MGAT5: variants seen among roughly 807,000 people sequenced by gnomAD.
MGAT5 encodes the protein alpha-1,6-mannosylglycoprotein 6-beta-N-acetylglucosaminyltransferase, also known as alpha-1,6-mannosylglycoprotein 6-beta-N-acetylglucosaminyltransferase A.
A neutral mutation model predicts 94.3 loss-of-function variants in MGAT5; 30 were observed. The ratio of observed to expected loss-of-function variants is 0.32; its 90% CI spans 0.24 to 0.43. The LOEUF (loss-of-function observed/expected upper bound fraction) is 0.43. MGAT5 is among the 20% of genes least tolerant of loss of function. MGAT5 has a pLI of 1.00. For synonymous variants in MGAT5, 310 were observed against 322.9 expected (o/e 0.96, Z 0.43); for missense variants, 691 against 905.5 (o/e 0.76, Z 3.04).
At chr2:134,273,622 C>CTGTG (rs3034326) in intron 2 of MGAT5, among the ~76,000 whole-genome samples, 22 of 149,896 alleles carry the variant, frequency 1.5e-4, no homozygotes, top group South Asian at 1.1e-3. Flanking sequence ...GGGGATAGCT[C>CTGTG]TGTGTGTGTG....
intron 8 of MGAT5, among the ~76,000 whole-genome samples, chr2:134,345,737 G>A (rs72978194): frequency 0.024 from 3,664 of 152,222 alleles, 126 homozygotes; most frequent in African/African-American, 0.075. Context: ...GAGAAAAGGT[G>A]TAGTTTGATG....
chr2:134,393,294 G>A (rs1682522262), intron 10 of MGAT5, among the ~76,000 whole-genome samples: 1 of 152,118 alleles, frequency 6.6e-6, no homozygotes, highest in Admixed American at 6.5e-5. Flanking sequence ...GATTACCTCA[G>A]ATCAGTGTGG....
chr2:134,360,993 TC>T (rs1329251987), intron 9 of MGAT5, among the ~76,000 whole-genome samples: 1 of 152,224 alleles, frequency 6.6e-6, no homozygotes, highest in Admixed American at 6.5e-5. Flanking sequence ...GCTCAGGGCT[TC>T]CTGCCACTGT....
At chr2:134,314,122 G>A (rs531271985) in intron 2 of MGAT5, among the ~76,000 whole-genome samples, 1 of 152,274 alleles carries the variant, frequency 6.6e-6, no homozygotes, top group Non-Finnish European at 1.5e-5. Flanking sequence ...GGTTATTCCC[G>A]GTCAGGTTTG....
At chr2:134,374,555 T>C (rs1351185967) in intron 10 of MGAT5, among the ~76,000 whole-genome samples, 2 of 152,204 alleles carry the variant, frequency 1.3e-5, no homozygotes, top group African/African-American at 4.8e-5. Flanking sequence ...TAGAAATTAT[T>C]TTTAATATAT....
intron 2 of MGAT5, among the ~76,000 whole-genome samples, chr2:134,280,226 C>T (rs1165328767): frequency 6.6e-6 from 1 of 152,164 alleles, no homozygotes; most frequent in African/African-American, 2.4e-5. Flanking sequence ...TTAGAAATGA[C>T]AGAAAGAGGG....
intron 1 of MGAT5, among the ~76,000 whole-genome samples, chr2:134,136,060 A>C (rs374203562): frequency 5.3e-5 from 8 of 152,350 alleles, no homozygotes; most frequent in African/African-American, 1.9e-4. Flanking sequence ...GGAAGGTTGG[A>C]CATAAGTCAC....
intron 1 of MGAT5, among the ~76,000 whole-genome samples, chr2:134,122,256 C>T (rs907787396): frequency 3.3e-5 from 5 of 152,184 alleles, no homozygotes; most frequent in African/African-American, 1.2e-4. Context: ...AGGCGCCCGT[C>T]ACCACACCCG....
intron 1 of MGAT5, among the ~76,000 whole-genome samples, chr2:134,176,572 T>TAAAAAAA (rs66689362): frequency 0.019 from 1,547 of 82,974 alleles, 28 homozygotes; most frequent in Non-Finnish European, 0.028. Context: ...GACTCTGTCT[T>TAAAAAAA]AAAAAAAAAA....
At chr2:134,170,103 A>T (rs1250422876) in intron 1 of MGAT5, among the ~76,000 whole-genome samples, 1 of 152,198 alleles carries the variant, frequency 6.6e-6, no homozygotes, top group South Asian at 2.1e-4. Flanking sequence ...ACTGAAACTA[A>T]GTTGGTATCA....
chr2:134,351,215 C>T (rs895289037), intron 9 of MGAT5, among the ~76,000 whole-genome samples: 1 of 152,130 alleles, frequency 6.6e-6, no homozygotes, highest in South Asian at 2.1e-4. Flanking sequence ...GGGCACAGTT[C>T]ATGGAGCAAA....
chr2:134,437,570 C>T, intron 14 of MGAT5, among the ~76,000 whole-genome samples: 1 of 152,180 alleles, frequency 6.6e-6, no homozygotes, highest in Non-Finnish European at 1.5e-5. Flanking sequence ...TCCCACTTGG[C>T]TTCTTCTGAT....
chr2:134,190,143 T>G (rs920194646), intron 1 of MGAT5, among the ~76,000 whole-genome samples: 11 of 152,304 alleles, frequency 7.2e-5, no homozygotes, highest in African/African-American at 2.6e-4. Flanking sequence ...CAACTTTGGA[T>G]GGACATGGGG....
chr2:134,148,920 A>G (rs1185715096), intron 1 of MGAT5, among the ~76,000 whole-genome samples: 2 of 151,836 alleles, frequency 1.3e-5, no homozygotes, highest in Non-Finnish European at 2.9e-5. Flanking sequence ...CACCACACCT[A>G]GCTAATTTTT....
intron 1 of MGAT5, among the ~76,000 whole-genome samples, chr2:134,233,115 T>G (rs1681455719): frequency 6.6e-6 from 1 of 152,260 alleles, no homozygotes; most frequent in South Asian, 2.1e-4. Flanking sequence ...CAGGTATGTG[T>G]AAATCTGACT....
chr2:134,166,552 A>G (rs889408368), intron 1 of MGAT5, among the ~76,000 whole-genome samples: 2 of 152,242 alleles, frequency 1.3e-5, no homozygotes, highest in African/African-American at 4.8e-5. Flanking sequence ...TCTTTCAGAC[A>G]TTAATGTTGC....
intron 1 of MGAT5, among the ~76,000 whole-genome samples, chr2:134,121,294 C>T (rs559095895): frequency 6.6e-6 from 1 of 152,312 alleles, no homozygotes; most frequent in Admixed American, 6.5e-5. Flanking sequence ...GGTGGACCCG[C>T]GCGCGGTGCG....
intron 1 of MGAT5, among the ~76,000 whole-genome samples, chr2:134,240,206 C>G (rs909812574): frequency 5.3e-5 from 8 of 152,248 alleles, no homozygotes; most frequent in African/African-American, 1.9e-4. Context: ...AATACTCATT[C>G]TTTGAAGATC....
chr2:134,442,097 C>A (rs551608868), intron 15 of MGAT5, among the ~76,000 whole-genome samples, 182 bp downstream of exon 15: 1 of 152,266 alleles, frequency 6.6e-6, no homozygotes, highest in East Asian at 1.9e-4. Flanking sequence ...GTTACCGTTC[C>A]TTTTGGGTGA....
Sources: gnomAD v4.1 joint callset for allele counts (sites outside exome capture counted in the v4.1 genomes callset) on GRCh38, gnomAD v4.1.1 for gene constraint, MANE v1.5 for transcripts, NCBI Gene and HGNC (gene_info 2026-07-23, HGNC 2026-07-21) for gene names.